The following FAM161A variants were observed in gnomAD, a reference collection of about 807,000 sequenced individuals.
The protein encoded by FAM161A is protein FAM161A.
FAM161A carries 57 observed loss-of-function variants against 70.9 expected under a neutral mutation model. That is an observed-to-expected ratio of 0.80 (90% confidence interval 0.65 to 1.00). The LOEUF (loss-of-function observed/expected upper bound fraction) is 1.00, where lower values mean the gene tolerates loss of function less well. Among genes scored for constraint, FAM161A ranks in the 50% least tolerant of loss-of-function variants. The pLI is 0.00. For missense variants in FAM161A, 880 were observed against 836.0 expected, an observed-to-expected ratio of 1.05 and a Z score of -0.65; for synonymous variants, 299 against 295.7, an observed-to-expected ratio of 1.01 and a Z score of -0.12.
the FAM161A span, among the ~76,000 whole-genome samples, chr2:61,804,810 G>GAAAGAAAGAAAGAAAGAA: frequency 7.0e-6 from 1 of 141,862 alleles, no homozygotes; most frequent in African/African-American, 2.6e-5. Flanking sequence ...AAGAAAGAAA[G>GAAAGAAAGAAAGAAAGAA]AAAGAAAGAG....
the FAM161A span, among the ~76,000 whole-genome samples, chr2:61,816,263 CTTTA>C: frequency 1.6e-3 from 240 of 152,236 alleles, 1 homozygote; most frequent in African/African-American, 5.4e-3. Flanking sequence ...ACTTTTTTCA[CTTTA>C]TTTATTACCT....
chr2:61,800,911 C>G, the FAM161A span, among the ~76,000 whole-genome samples: 1 of 152,146 alleles, frequency 6.6e-6, no homozygotes, highest in African/African-American at 2.4e-5. Context: ...TCAAGTGATT[C>G]TCCTGCCTCA....
At chr2:61,804,764 G>GAA in the FAM161A span, among the ~76,000 whole-genome samples, 2 of 55,900 alleles carry the variant, frequency 3.6e-5, no homozygotes, top group Admixed American at 4.6e-4. Flanking sequence ...GAAAGAAAAA[G>GAA]AAAGAGAAAG....
intron 2 of FAM161A, 83 bp from the exon 3 acceptor site, chr2:61,840,664 T>G: frequency 1.8e-6 from 2 of 1,135,440 alleles, no homozygotes; most frequent in Non-Finnish European, 2.6e-6. Flanking sequence ...TTTCTTTTTT[T>G]TTCTGAGACA....
chr2:61,827,382 G>T, intron 5 of FAM161A, 124 bp from the exon 6 acceptor site: 1 of 860,694 alleles, frequency 1.2e-6, no homozygotes, highest in African/African-American at 1.7e-5. Context: ...AGGCCGAGAC[G>T]GGTGGATCAC....
chr2:61,801,707 C>G, the FAM161A span, among the ~76,000 whole-genome samples: 2 of 151,808 alleles, frequency 1.3e-5, no homozygotes, highest in Non-Finnish European at 2.9e-5. Flanking sequence ...ATTATAGACA[C>G]GTGCCACCAC....
chr2:61,846,132 A>G lies in FAM161A; in HGVS notation c.184-3772T>C, dbSNP rs1193079453. On this transcript the variant is annotated intron_variant, in intron 1 of 6. Transcript: ENST00000404929. ...AAAAAAGAATGGAGAAATCTATAGG[A>G]TCACAGAGTGTTTATGGGAAAGAAG... Among the ~76,000 whole-genome samples the G allele has an allele frequency of 8.0e-5, 12 of 149,932 alleles. No homozygotes were observed. The South Asian group carries it at 1.7e-3, about 21-fold the overall frequency.
chr2:61,843,234 T>TCTC (rs1265993391), intron 1 of FAM161A, among the ~76,000 whole-genome samples: 2 of 152,064 alleles, frequency 1.3e-5, no homozygotes, highest in Admixed American at 1.3e-4. Flanking sequence ...ACCTCTGCCT[T>TCTC]CTCCTGCCTC....
At chr2:61,828,536 C>A (rs1262229422) in intron 5 of FAM161A, among the ~76,000 whole-genome samples, 7 of 152,266 alleles carry the variant, frequency 4.6e-5, no homozygotes, top group Admixed American at 2.6e-4. Context: ...CTATGTTGTC[C>A]AGGATGGCCT....
Position 61,825,460 on chromosome 2 carries a change from T to C in FAM161A, c.*995A>G. 1 of 453,964 alleles carries C rather than the reference T, an allele frequency of 2.2e-6. No individual in the cohort carries two copies. Among genetic ancestry groups the C allele is most frequent in the South Asian group, 1.6e-5 (1 of 64,404 alleles). The allele number at this position is 453,964 out of a possible 1,614,324, so 28.1% of individuals were successfully genotyped here. On this transcript the variant is annotated 3_prime_UTR_variant, in exon 7 of 7. Coordinates refer to ENST00000404929, the MANE Select transcript of FAM161A (RefSeq NM_001201543.2). Reference sequence around the variant, plus strand: ...CACATGCCATAATTACTTCCATCTGTAATAATACATAGGGTTAAAAAAACT... The same window carrying C: ...CACATGCCATAATTACTTCCATCTGCAATAATACATAGGGTTAAAAAAACT...
chr2:61,838,431 A>C, intron 4 of FAM161A, 107 bp downstream of exon 4: 1 of 958,988 alleles, frequency 1.0e-6, no homozygotes, highest in East Asian at 2.4e-5. Context: ...TCCATAAGCT[A>C]AAACACTAAT....
rs766627808 is a variant in FAM161A, at chr2:61,826,490, T to C, written c.2116A>G (p.Ser706Gly). The change falls in exon 7 of 7, where the codon AGT becomes GGT. Residue 706 changes from serine to glycine, a missense_variant. Ser to Gly is a moderately conservative substitution (Grantham distance 56). Transcript: ENST00000404929. ...TCTTCAACAGATTTCTCTTCTTCAC[T>C]TTCCTCATTGGCTTCATCTTTTTCC... ...YKEKDEANEE[S>G]EEEKSVEESH 37 of 1,609,770 alleles carry C rather than the reference T, an allele frequency of 2.3e-5. 1 individual carries two copies. The South Asian group carries it at 4.1e-4, about 18-fold the overall frequency.
chr2:61,802,902 C>A, the FAM161A span, among the ~76,000 whole-genome samples: 1 of 152,114 alleles, frequency 6.6e-6, no homozygotes, highest in Admixed American at 6.6e-5. Context: ...AAATTCCAGG[C>A]ACCTAGTTAG....
chr2:61,804,786 G>GAAAGAAAGAAAGAA, the FAM161A span, among the ~76,000 whole-genome samples: 1 of 136,144 alleles, frequency 7.3e-6, no homozygotes, highest in Non-Finnish European at 1.6e-5. Context: ...AAGAAAGAAA[G>GAAAGAAAGAAAGAA]AAAGAAAGAA....
At chr2:61,834,245 G>A (rs1672688980) in intron 5 of FAM161A, among the ~76,000 whole-genome samples, 2 of 152,054 alleles carry the variant, frequency 1.3e-5, no homozygotes, top group South Asian at 4.1e-4. Flanking sequence ...GCAAACTAAA[G>A]CAGAAACGGA....
chr2:61,824,990 T>C lies in FAM161A; in HGVS notation c.*1465A>G, dbSNP rs1213945042. The C allele has an allele frequency of 2.2e-6, 1 of 453,062 alleles. No homozygotes were observed. The highest frequency in any genetic ancestry group is 4.4e-6 in the Non-Finnish European group (1 of 226,586). 28.1% of individuals were successfully genotyped at this position (453,062 alleles called of 1,614,324 possible). The stretch of plus-strand genomic sequence containing the variant: ...ACAATATAATAATAGTAAAAAGTAA[T>C]TTAACACGAACTGTAGGAAGAAAAT... On this transcript the variant is annotated 3_prime_UTR_variant, in exon 7 of 7. Coordinates refer to ENST00000404929, the MANE Select transcript of FAM161A (RefSeq NM_001201543.2).
At chr2:61,801,080 C>A in the FAM161A span, among the ~76,000 whole-genome samples, 2 of 151,954 alleles carry the variant, frequency 1.3e-5, no homozygotes, top group African/African-American at 4.8e-5. Flanking sequence ...CAGGTGTGAG[C>A]CACCGCACTC....
At chr2:61,831,447 A>C (rs1192983867) in intron 5 of FAM161A, among the ~76,000 whole-genome samples, 2 of 152,192 alleles carry the variant, frequency 1.3e-5, no homozygotes, top group African/African-American at 2.4e-5. Flanking sequence ...ATTTTGTCTC[A>C]ACACACATCT....
downstream of FAM161A, chr2:61,824,823 T>C: frequency 2.7e-6 from 1 of 364,564 alleles, no homozygotes; most frequent in Non-Finnish European, 5.3e-6. Flanking sequence ...CATTCTGAAG[T>C]AGCTGTAAGT....
Sources: gnomAD v4.1 joint callset for allele counts (sites outside exome capture counted in the v4.1 genomes callset) on GRCh38, gnomAD v4.1.1 for gene constraint, MANE v1.5 for transcripts, NCBI Gene and HGNC (gene_info 2026-07-23, HGNC 2026-07-21) for gene names.